The following CNNM4 variants were observed in gnomAD, a reference collection of about 807,000 sequenced individuals.
CNNM4 encodes the protein metal transporter CNNM4.
Under a neutral mutation model 53.7 loss-of-function variants are expected in CNNM4, and 32 were observed. The observed-to-expected ratio is 0.60, with a 90% confidence interval of 0.45 to 0.80. The LOEUF is 0.80. Among genes scored for constraint, CNNM4 ranks in the 30% least tolerant of loss-of-function variants. The pLI, the probability that CNNM4 is intolerant of heterozygous loss-of-function variation, is 0.00. For synonymous variants in CNNM4, 410 were observed against 440.0 expected, an observed-to-expected ratio of 0.93 and a Z score of 0.85; for missense variants, 784 against 1,022.0, an observed-to-expected ratio of 0.77 and a Z score of 3.17.
rs558929262 is a variant in CNNM4, at chr2:96,773,219, A to G, written c.1402+10818A>G. 4.3e-4 allele frequency among the ~76,000 whole-genome samples: 65 copies of G among 152,350 alleles called. No homozygotes were observed. In the Middle Eastern group the frequency reaches 0.01, roughly 24 times the overall value. On this transcript the variant is annotated intron_variant, in intron 1 of 6. Coordinates refer to ENST00000377075, the MANE Select transcript of CNNM4 (RefSeq NM_020184.4). ...ATTTATTTCATGAAATGCTCAAAAT[A>G]GTGACTTTCTCTTCAGCTGCTAGTG...
chr2:96,773,062 C>T lies in CNNM4; in HGVS notation c.1402+10661C>T, dbSNP rs547725749. ...AACCCCCCATGTGCACACACAGGCTCGCAAACGCCCACATTTATGCATACA... is the reference window on the plus strand; with the variant it reads ...AACCCCCCATGTGCACACACAGGCTTGCAAACGCCCACATTTATGCATACA... On this transcript the variant is annotated intron_variant, in intron 1 of 6. Coordinates refer to ENST00000377075, the MANE Select transcript of CNNM4 (RefSeq NM_020184.4). Among the ~76,000 whole-genome samples, 58 of 152,346 alleles carry T rather than the reference C, an allele frequency of 3.8e-4. 2 individuals are homozygous for T. The South Asian group carries it at 0.011, about 30-fold the overall frequency.
chr2:96,809,098 T>C, intron 6 of CNNM4: 1 of 983,000 alleles, frequency 1.0e-6, no homozygotes, highest in Non-Finnish European at 1.5e-6. Context: ...CGCCTCAGCC[T>C]CCTGAAGTGC....
chr2:96,784,766 T>C (rs1019307375), intron 1 of CNNM4, among the ~76,000 whole-genome samples: 3 of 152,176 alleles, frequency 2.0e-5, no homozygotes, highest in Non-Finnish European at 4.4e-5. Context: ...GGATTGACAG[T>C]AGATGTAGGG....
chr2:96,776,027 G>GTT (rs538342553), intron 1 of CNNM4, among the ~76,000 whole-genome samples: 38 of 128,746 alleles, frequency 3.0e-4, no homozygotes, highest in East Asian at 4.6e-4. Flanking sequence ...TGCCATTGTG[G>GTT]TTTTTTTTTT....
intron 1 of CNNM4, among the ~76,000 whole-genome samples, chr2:96,771,909 C>A (rs1436248128): frequency 2.6e-5 from 4 of 152,184 alleles, no homozygotes; most frequent in African/African-American, 9.7e-5. Context: ...AGCCCAGAGG[C>A]TGGGTGTACA....
At chr2:96,781,968 C>G (rs2078979073) in intron 1 of CNNM4, among the ~76,000 whole-genome samples, 1 of 152,146 alleles carries the variant, frequency 6.6e-6, no homozygotes, top group Admixed American at 6.5e-5. Context: ...TGAATTTTGC[C>G]AAATGCTCTT....
At position 96,797,695 on chromosome 2, in the gene CNNM4, G is replaced by A; in HGVS notation, c.1681+48G>A. The stretch of plus-strand genomic sequence containing the variant: ...GTCTTGGTGGAAATACGGTCACGGG[G>A]GAGAAGTCCTGGGTTTCCGGCTGCT... On this transcript the variant is annotated intron_variant, in intron 3 of 6. Transcript: ENST00000377075. The surrounding 1 kb of genome is among the most constrained non-coding windows in gnomAD (Gnocchi z 6.0). The A allele has an allele frequency of 1.9e-6, 3 of 1,609,470 alleles. No individual in the cohort carries two copies. Among genetic ancestry groups the A allele is most frequent in the African/African-American group, 1.3e-5 (1 of 75,034 alleles).
chr2:96,797,522 G>A lies in CNNM4; in HGVS notation c.1556G>A (p.Arg519Gln), dbSNP rs764314767. The A allele has an allele frequency of 1.7e-5, 27 of 1,614,016 alleles. No individual in the cohort carries two copies. The highest frequency in any genetic ancestry group is 5.5e-5 in the South Asian group (5 of 91,090). ...GCTCTTCTTCCGGCAGCTGACAACC[G>A]AAGCCGGAAGCGGGTGTCTGAGAAG... The part of the protein sequence containing the change: ...LDESDMYTDN[R>Q]SRKRVSEKNK... Residue 519 changes from arginine to glutamine, a missense_variant, in exon 3 of 7, where the codon CGA (arginine) becomes CAA (glutamine). Coordinates refer to ENST00000377075, the MANE Select transcript of CNNM4 (RefSeq NM_020184.4). This position sits in a 1 kb window ranked among gnomAD's most constrained non-coding sequence, Gnocchi z 6.0.
intron 1 of CNNM4, among the ~76,000 whole-genome samples, chr2:96,787,291 A>G (rs1173440491): frequency 2.6e-5 from 4 of 152,226 alleles, no homozygotes; most frequent in Non-Finnish European, 4.4e-5. Flanking sequence ...TCCTGCCAAC[A>G]CTGAGAGTAC....
Position 96,807,751 on chromosome 2 carries a change from C to T in CNNM4, c.1949-810C>T, listed in dbSNP as rs188862840. Among the ~76,000 whole-genome samples the T allele has an allele frequency of 2.8e-3, 429 of 151,972 alleles. 3 individuals carry two copies. Among genetic ancestry groups the T allele is most frequent in the African/African-American group, 9.9e-3 (410 of 41,482 alleles). ...CTCTGTCTCCAAAGAAAAGGTGTGA[C>T]GGGGCATCTTATGTGTGGGGTGTGT... On this transcript the variant is annotated intron_variant, in intron 5 of 6. Transcript: ENST00000377075.
chr2:96,785,860 G>A (rs1056128369), intron 1 of CNNM4, among the ~76,000 whole-genome samples: 5 of 151,708 alleles, frequency 3.3e-5, no homozygotes, highest in African/African-American at 4.8e-5. Context: ...AGGCTGAAGC[G>A]GTGGATCACG....
rs2079153835 is a variant in CNNM4 at position 96,801,116 on chromosome 2, C to T, written c.1948+1468C>T. 23 of 985,424 alleles carry T rather than the reference C, an allele frequency of 2.3e-5. 1 individual carries two copies. Among genetic ancestry groups the T allele is most frequent in the Non-Finnish European group, 2.8e-5 (23 of 829,916 alleles). The allele number at this position is 985,424 out of a possible 1,614,324, so 61.0% of individuals were successfully genotyped here. ...GTGTCCGCCTGGCAAGCGGAACTCCCTGCTCTGCTGGCTCACAGGTAACGT... is the reference window on the plus strand; with the variant it reads ...GTGTCCGCCTGGCAAGCGGAACTCCTTGCTCTGCTGGCTCACAGGTAACGT... On this transcript the variant is annotated intron_variant, in intron 5 of 6. Transcript: ENST00000377075. The surrounding 1 kb of genome is among the most constrained non-coding windows in gnomAD (Gnocchi z 5.6).
intron 5 of CNNM4, 123 bp downstream of exon 5, chr2:96,799,771 G>T: frequency 1.1e-6 from 1 of 886,986 alleles, no homozygotes; most frequent in Non-Finnish European, 1.8e-6. Context: ...GCAGAGGGAG[G>T]CTGGTGAGGC....
chr2:96,761,352 A>C lies in CNNM4; in HGVS notation c.353A>C (p.Gln118Pro). ...GAGCTCACCAAGGACCTGGTCGTCC[A>C]GCAGCTGGTCAACGTGAGCCGCGGG... Reference protein sequence around the residue: ...CLELTKDLVVQQLVNVSRGNT... With the variant: ...CLELTKDLVVPQLVNVSRGNT... Residue 118 changes from glutamine to proline, a missense_variant, in exon 1 of 7, where the codon CAG (glutamine) becomes CCG (proline). This residue lies in a region of CNNM4 where 473 missense variants were observed against 624.6 expected (regional missense o/e 0.76). Coordinates refer to ENST00000377075, the MANE Select transcript of CNNM4 (RefSeq NM_020184.4). The surrounding 1 kb of genome is among the most constrained non-coding windows in gnomAD (Gnocchi z 6.0). The C allele has an allele frequency of 6.2e-7, 1 of 1,614,092 alleles. No homozygotes were observed. Among genetic ancestry groups the C allele is most frequent in the Non-Finnish European group, 8.5e-7 (1 of 1,180,032 alleles).
intron 5 of CNNM4, among the ~76,000 whole-genome samples, chr2:96,806,934 G>T (rs969005002): frequency 6.6e-6 from 1 of 152,160 alleles, no homozygotes; most frequent in African/African-American, 2.4e-5. Flanking sequence ...GACCCGCCCC[G>T]GCCAGGCTGG....
intron 1 of CNNM4, among the ~76,000 whole-genome samples, chr2:96,768,710 C>T (rs1301727060): frequency 2.0e-5 from 3 of 152,164 alleles, no homozygotes; most frequent in Admixed American, 6.5e-5. Flanking sequence ...GCTCCTTCTC[C>T]GTGCCCAGCA....
rs976863450 is a variant in CNNM4, at chr2:96,786,003, T to C, written c.1403-11009T>C. Among the ~76,000 whole-genome samples, 3 of 150,592 alleles carry C rather than the reference T, an allele frequency of 2.0e-5. No homozygotes were observed. The East Asian group carries it at 5.9e-4, about 30-fold the overall frequency. On this transcript the variant is annotated intron_variant, in intron 1 of 6. Transcript: ENST00000377075. ...TCAGGAGGCTGAGGCAGGAGAATGG[T>C]GTGAACCCAGGAGGTGGAGCTTGCA...
chr2:96,803,514 C>T (rs1477429207), intron 5 of CNNM4, among the ~76,000 whole-genome samples: 1 of 152,050 alleles, frequency 6.6e-6, no homozygotes, highest in Admixed American at 6.6e-5. Flanking sequence ...TGCCTGAGGT[C>T]GGGAGTTCGA....
chr2:96,795,370 G>A (rs1227763538), intron 1 of CNNM4, among the ~76,000 whole-genome samples: 1 of 152,152 alleles, frequency 6.6e-6, no homozygotes, highest in African/African-American at 2.4e-5. Flanking sequence ...ATTTTCAATC[G>A]AGTCCAGCCA....
Sources: allele counts gnomAD v4.1 joint callset (sites outside exome capture counted in the v4.1 genomes callset), GRCh38; gene constraint gnomAD v4.1.1; regional missense constraint gnomAD v4.1.1; non-coding constraint Gnocchi (gnomAD v3.1); transcripts MANE v1.5; gene names NCBI Gene and HGNC (gene_info 2026-07-23, HGNC 2026-07-21).